Variants in SPECC1L observed in about 807,000 individuals in gnomAD.
SPECC1L encodes the protein sperm antigen with calponin homology and coiled-coil domains 1 like, also known as cytospin-A.
SPECC1L carries 40 observed loss-of-function variants against 116.8 expected under a neutral mutation model. The ratio of observed to expected loss-of-function variants is 0.34; its 90% CI spans 0.27 to 0.45. The LOEUF is 0.45. Among genes scored for constraint, SPECC1L ranks in the 20% least tolerant of loss-of-function variants. SPECC1L has a pLI of 1.00. For synonymous variants in SPECC1L, 504 were observed against 500.6 expected (o/e 1.01, Z -0.09); for missense variants, 1,110 against 1,373.6 (o/e 0.81, Z 3.03).
intron 4 of SPECC1L, among the ~76,000 whole-genome samples, chr22:24,314,215 T>C (rs563049574): frequency 2.6e-5 from 4 of 152,048 alleles, no homozygotes; most frequent in African/African-American, 7.2e-5. Context: ...CAGCTAGTTT[T>C]GTTTTTTGTA....
At chr22:24,389,173 A>G (rs1453472661) in intron 14 of SPECC1L, among the ~76,000 whole-genome samples, 5 of 147,876 alleles carry the variant, frequency 3.4e-5, no homozygotes, top group Admixed American at 6.8e-5. Context: ...TGGAGAGCCA[A>G]TGGTGCGATC....
Position 24,372,197 on chromosome 22 carries a change from A to G in SPECC1L, c.3087+2877A>G, listed in dbSNP as rs371783994. ...GATGGATTCACGGCCGAATTCTACC[A>G]GAGGTACAAGGAGGAGCTGGTACCA... On this transcript the variant is annotated intron_variant, in intron 14 of 16. Transcript: ENST00000314328. 1.5e-4 allele frequency among the ~76,000 whole-genome samples: 23 copies of G among 152,370 alleles called. No individual in the cohort carries two copies. The East Asian group carries it at 2.3e-3, about 15-fold the overall frequency.
At chr22:24,390,872 C>CTTTTTTTTTTTTTTTTT (rs1016008966) in intron 14 of SPECC1L, among the ~76,000 whole-genome samples, 17 of 57,118 alleles carry the variant, frequency 3.0e-4, no homozygotes, top group African/African-American at 6.8e-4. Flanking sequence ...TTTTTCTTTT[C>CTTTTTTTTTTTTTTTTT]TTTTTTTTTT....
chr22:24,323,342 T>A (rs1398518771), intron 5 of SPECC1L, among the ~76,000 whole-genome samples: 1 of 152,178 alleles, frequency 6.6e-6, no homozygotes, highest in Non-Finnish European at 1.5e-5. Context: ...ATAGTAATAG[T>A]TTTTCAAATA....
intron 6 of SPECC1L, among the ~76,000 whole-genome samples, chr22:24,327,296 A>AAAAAAAAAAAAAAAAC (rs1556236760): frequency 2.7e-5 from 4 of 149,954 alleles, no homozygotes; most frequent in Non-Finnish European, 6.0e-5. Context: ...AAAAAAAAAA[A>AAAAAAAAAAAAAAAAC]AAAAAACATC....
chr22:24,392,811 A>G (rs1445933399), intron 14 of SPECC1L, among the ~76,000 whole-genome samples: 1 of 152,148 alleles, frequency 6.6e-6, no homozygotes, highest in African/African-American at 2.4e-5. Context: ...ATCTCATCTC[A>G]TCTCCGCTCT....
chr22:24,328,805 T>G (rs199884333), intron 6 of SPECC1L, 41 bp from the exon 7 acceptor site: 26 of 1,467,012 alleles, frequency 1.8e-5, no homozygotes, highest in Non-Finnish European at 1.9e-5. Context: ...CTCTGAAGAT[T>G]GTTGTGAGAA....
intron 3 of SPECC1L, among the ~76,000 whole-genome samples, chr22:24,312,230 A>G (rs567033724): frequency 2.6e-5 from 4 of 152,168 alleles, no homozygotes; most frequent in Non-Finnish European, 5.9e-5. Flanking sequence ...CGGCCTCCCA[A>G]AATGCTAAGA....
chr22:24,320,345 C>T (rs1307039891), intron 4 of SPECC1L, among the ~76,000 whole-genome samples: 2 of 152,146 alleles, frequency 1.3e-5, no homozygotes, highest in African/African-American at 4.8e-5. Context: ...ATGATTGTGT[C>T]AGTTTTCACA....
rs1482228911 is a variant in SPECC1L, at chr22:24,405,700, C to T, written c.3088-5888C>T. On this transcript the variant is annotated intron_variant, in intron 14 of 16. Coordinates refer to ENST00000314328, the MANE Select transcript of SPECC1L (RefSeq NM_015330.6). ...ACTAAAAACACAAAAATTAGCCGGG[C>T]ATGGTGGCGGGTGCTTACAATCCCA... Among the ~76,000 whole-genome samples, 4 of 151,966 alleles carry T rather than the reference C, an allele frequency of 2.6e-5. No individual in the cohort carries two copies. In the East Asian group the frequency reaches 5.8e-4, roughly 22 times the overall value.
chr22:24,369,100 G>C (rs2041827028), intron 13 of SPECC1L, 118 bp from the exon 14 acceptor site: 2 of 737,354 alleles, frequency 2.7e-6, no homozygotes, highest in East Asian at 5.2e-5. Context: ...ACTATGTCTT[G>C]CCTTTGTATT....
rs554643656 is a variant in SPECC1L at position 24,415,839 on chromosome 22, T to C, written c.*1216T>C. On this transcript the variant is annotated 3_prime_UTR_variant, in exon 17 of 17. Transcript: ENST00000314328. The stretch of plus-strand genomic sequence containing the variant: ...CCATGCTGTTTGAACCAAAGCCTTA[T>C]TTAAAGGTGGTCACTGGAGATGCTC... The C allele has an allele frequency of 6.6e-6, 1 of 152,206 alleles. No homozygotes were observed. Among genetic ancestry groups the C allele is most frequent in the South Asian group, 2.1e-4 (1 of 4,820 alleles). The allele number at this position is 152,206 out of a possible 1,614,324, so 9.4% of individuals were successfully genotyped here. A position where few individuals can be genotyped will look rare whatever the true frequency, so the allele number is the denominator to read the frequency against.
Position 24,414,938 on chromosome 22 carries a change from A to C in SPECC1L, c.*315A>C, listed in dbSNP as rs912000683. On this transcript the variant is annotated 3_prime_UTR_variant, in exon 17 of 17. Coordinates refer to ENST00000314328, the MANE Select transcript of SPECC1L (RefSeq NM_015330.6). ...ACACTAGTGCTCCAGGGCACCAAAC[A>C]AAAAGGGCTCATGCACAGCTGAATT... The C allele has an allele frequency of 2.6e-6, 1 of 391,956 alleles. No individual in the cohort carries two copies. The highest frequency in any genetic ancestry group is 2.0e-5 in the African/African-American group (1 of 48,936). The allele number at this position is 391,956 out of a possible 1,614,324, so 24.3% of individuals were successfully genotyped here. A position where few individuals can be genotyped will look rare whatever the true frequency, so the allele number is the denominator to read the frequency against.
intron 2 of SPECC1L, among the ~76,000 whole-genome samples, chr22:24,288,389 A>G (rs751780338): frequency 1.3e-5 from 2 of 152,148 alleles, no homozygotes; most frequent in South Asian, 2.1e-4. Flanking sequence ...GGAAGTGCCA[A>G]ATATCCCCTA....
At chr22:24,297,291 A>G (rs1490411254) in intron 2 of SPECC1L, among the ~76,000 whole-genome samples, 3 of 151,750 alleles carry the variant, frequency 2.0e-5, no homozygotes. Context: ...GGCCGAACCT[A>G]TAACTGAATT....
At chr22:24,379,319 G>T (rs2042021084) in intron 14 of SPECC1L, among the ~76,000 whole-genome samples, 1 of 151,736 alleles carries the variant, frequency 6.6e-6, no homozygotes, top group East Asian at 1.9e-4. Flanking sequence ...AGTTGAGGCT[G>T]CTGTGAGCCA....
intron 14 of SPECC1L, among the ~76,000 whole-genome samples, chr22:24,396,603 AC>A (rs1380975769): frequency 1.3e-5 from 2 of 152,084 alleles, no homozygotes; most frequent in Non-Finnish European, 2.9e-5. Context: ...GCCTCAAAGA[AC>A]TTTCAAGATT....
chr22:24,330,133 AAATT>A (rs1253757088), intron 7 of SPECC1L, 119 bp from the exon 8 acceptor site: 3 of 973,164 alleles, frequency 3.1e-6, no homozygotes, highest in South Asian at 3.0e-5. Context: ...GGGATTAAAA[AAATT>A]AATCATCATT....
intron 2 of SPECC1L, among the ~76,000 whole-genome samples, chr22:24,293,237 T>C (rs1008398261): frequency 6.6e-6 from 1 of 151,396 alleles, no homozygotes; most frequent in Non-Finnish European, 1.5e-5. Context: ...AGTCGAATCA[T>C]GAGGTCAGGA....
Sources: gnomAD v4.1 joint callset for allele counts (sites outside exome capture counted in the v4.1 genomes callset) on GRCh38, gnomAD v4.1.1 for gene constraint, MANE v1.5 for transcripts, NCBI Gene and HGNC (gene_info 2026-07-23, HGNC 2026-07-21) for gene names.